Variants in EVC2 observed in about 807,000 individuals in gnomAD.
The protein encoded by EVC2 is EvC ciliary complex subunit 2.
In EVC2, 148 loss-of-function variants were observed where a neutral mutation model predicts 149.3. That is an observed-to-expected ratio of 0.99 (90% CI 0.87 to 1.14). The LOEUF is 1.14. Ranked by LOEUF, EVC2 falls within the 50% of genes most tolerant of loss-of-function variation. The pLI, the probability that EVC2 is intolerant of heterozygous loss-of-function variation, is 0.00. For missense variants in EVC2, 1,854 were observed against 1,627.3 expected (o/e 1.14, Z -2.40); for synonymous variants, 776 against 649.9 (o/e 1.19, Z -2.95).
chr4:5,622,955 C>T lies in EVC2; in HGVS notation c.2083G>A (p.Glu695Lys), dbSNP rs773955048. The T allele has an allele frequency of 1.5e-5, 25 of 1,613,950 alleles. No individual in the cohort carries two copies. The highest frequency in any genetic ancestry group is 8.0e-5 in the African/African-American group (6 of 74,912). The change falls in exon 14 of 22, where the codon GAG becomes AAG. Residue 695 changes from glutamate to lysine, a missense_variant. By Grantham distance (56) the Glu-to-Lys change is moderately conservative. Transcript: ENST00000344408. The surrounding 1 kb of genome is among the most constrained non-coding windows in gnomAD (Gnocchi z 5.8). Reference sequence around the variant, plus strand: ...GCATCCTCAACCGTTCGGAAGGCCTCGCCGACGGACGCCTGCTCCCTACGC... The same window carrying T: ...GCATCCTCAACCGTTCGGAAGGCCTTGCCGACGGACGCCTGCTCCCTACGC... ...EQRREQASVGEAFRTVEDAGQ... is the reference protein window; with the variant it reads ...EQRREQASVGKAFRTVEDAGQ...
At chr4:5,652,610 G>A (rs1220057289) in intron 9 of EVC2, among the ~76,000 whole-genome samples, 6 of 152,130 alleles carry the variant, frequency 3.9e-5, no homozygotes, top group African/African-American at 1.4e-4. Context: ...AGCCGGCAAG[G>A]GCTTGGAGCT....
At chr4:5,701,064 G>T (rs780991569) in intron 1 of EVC2, among the ~76,000 whole-genome samples, 7 of 152,196 alleles carry the variant, frequency 4.6e-5, no homozygotes, top group African/African-American at 1.7e-4. Flanking sequence ...GGCTCCAGGG[G>T]AAAACCCATT....
chr4:5,643,402 G>A (rs1299729743), intron 9 of EVC2, among the ~76,000 whole-genome samples: 4 of 151,974 alleles, frequency 2.6e-5, no homozygotes, highest in African/African-American at 4.8e-5. Context: ...TTTTCACAAC[G>A]TGCTGTTCTT....
intron 1 of EVC2, among the ~76,000 whole-genome samples, chr4:5,703,978 T>A (rs954848636): frequency 1.3e-5 from 2 of 152,050 alleles, no homozygotes; most frequent in Non-Finnish European, 2.9e-5. Flanking sequence ...GCAAGGGCCC[T>A]GAGGTGGGAA....
intron 12 of EVC2, among the ~76,000 whole-genome samples, chr4:5,627,532 C>G (rs924041529): frequency 1.3e-5 from 2 of 152,122 alleles, no homozygotes; most frequent in African/African-American, 2.4e-5. Flanking sequence ...TACCTAGTAG[C>G]GGAACCACAG....
chr4:5,645,727 G>T (rs958642835), intron 9 of EVC2, among the ~76,000 whole-genome samples: 71 of 152,280 alleles, frequency 4.7e-4, no homozygotes, highest in African/African-American at 1.7e-3. Context: ...AAATATACAT[G>T]TGTATGTGTC....
intron 10 of EVC2, 74 bp from the exon 11 acceptor site, chr4:5,632,106 T>C: frequency 1.3e-6 from 2 of 1,584,264 alleles, no homozygotes; most frequent in South Asian, 1.1e-5. Context: ...CAATGCAATG[T>C]GTACAGGCAC....
chr4:5,623,338 ATTTTT>A (rs934150878), intron 13 of EVC2, among the ~76,000 whole-genome samples: 1 of 145,544 alleles, frequency 6.9e-6, no homozygotes, highest in Non-Finnish European at 1.5e-5. Context: ...TTATTTATTT[ATTTTT>A]TTTATTTTTT....
chr4:5,706,714 G>A (rs1722224684), intron 1 of EVC2, among the ~76,000 whole-genome samples: 1 of 152,094 alleles, frequency 6.6e-6, no homozygotes, highest in Non-Finnish European at 1.5e-5. Context: ...TGTACAGTGT[G>A]CAGAAGGGCT....
At chr4:5,616,972 G>A (rs978603517) in intron 15 of EVC2, among the ~76,000 whole-genome samples, 5 of 152,072 alleles carry the variant, frequency 3.3e-5, no homozygotes, top group South Asian at 2.1e-4. Flanking sequence ...CCCTCGCTTC[G>A]GTGAAGTGAA....
intron 11 of EVC2, among the ~76,000 whole-genome samples, chr4:5,631,277 G>A (rs1400812891): frequency 6.6e-6 from 1 of 152,144 alleles, no homozygotes; most frequent in Non-Finnish European, 1.5e-5. Flanking sequence ...ACCCAGGCTG[G>A]AGCGCAGTGG....
chr4:5,576,254 C>T lies in EVC2; in HGVS notation c.3258G>A (p.Glu1086=), dbSNP rs1235779972. ...ACACGGCATACCACTGCTGATGTTG[C>T]TCCAGTAATGTCTGGCTCTTGCTCA... ...QALSKSQTLL[E]QHQQCLREEQ... Residue 1086 remains glutamate, a synonymous_variant, in exon 18 of 22, where the codon GAG becomes GAA. Coordinates refer to ENST00000344408, the MANE Select transcript of EVC2 (RefSeq NM_147127.5). This position sits in a 1 kb window ranked among gnomAD's most constrained non-coding sequence, Gnocchi z 4.5. 1.2e-6 allele frequency: 2 copies of T among 1,614,178 alleles called. No homozygotes were observed. The highest frequency in any genetic ancestry group is 1.7e-5 in the Admixed American group (1 of 60,018).
In EVC2 at chr4:5,633,734, A is replaced by G. The variant is rs2108853948; in HGVS notation, c.1471-1702T>C. On this transcript the variant is annotated intron_variant, in intron 10 of 21. Transcript: ENST00000344408. This position sits in a 1 kb window ranked among gnomAD's most constrained non-coding sequence, Gnocchi z 4.4. Reference sequence around the variant, plus strand: ...AGGAAGGCAGAAGGGGCTCCGGTGCACAGGGCAAAGGCCAGAGCTCCTTCA... The same window carrying G: ...AGGAAGGCAGAAGGGGCTCCGGTGCGCAGGGCAAAGGCCAGAGCTCCTTCA... Among the ~76,000 whole-genome samples, 1 of 152,368 alleles carries G rather than the reference A, an allele frequency of 6.6e-6. No homozygotes were observed. The highest frequency in any genetic ancestry group is 1.9e-4 in the East Asian group (1 of 5,176).
chr4:5,611,791 G>A (rs1468510417), intron 16 of EVC2, among the ~76,000 whole-genome samples: 1 of 152,152 alleles, frequency 6.6e-6, no homozygotes, highest in Non-Finnish European at 1.5e-5. Context: ...TTAAGTTACA[G>A]AAACTTTAAA....
intron 3 of EVC2, among the ~76,000 whole-genome samples, chr4:5,692,556 C>A (rs563010213): frequency 2.3e-4 from 35 of 152,326 alleles, no homozygotes; most frequent in African/African-American, 7.2e-4. Flanking sequence ...CACAGTGTAA[C>A]CCTCTCATTG....
chr4:5,623,045 C>T (rs1031533814), intron 13 of EVC2, 54 bp from the exon 14 acceptor site: 9 of 1,553,488 alleles, frequency 5.8e-6, no homozygotes, highest in African/African-American at 5.5e-5. Context: ...GGGTACAGTC[C>T]TTTGGCTGAA....
intron 7 of EVC2, among the ~76,000 whole-genome samples, chr4:5,680,895 G>A (rs540024831): frequency 4.0e-5 from 6 of 148,216 alleles, no homozygotes; most frequent in Non-Finnish European, 7.5e-5. Flanking sequence ...AGAGAGACCC[G>A]CCCCACAGAC....
chr4:5,581,404 G>A (rs1711770085), intron 17 of EVC2, among the ~76,000 whole-genome samples: 1 of 152,212 alleles, frequency 6.6e-6, no homozygotes, highest in African/African-American at 2.4e-5. Flanking sequence ...CTAGGCTGAG[G>A]AGGTCTCAGA....
intron 4 of EVC2, among the ~76,000 whole-genome samples, chr4:5,690,465 A>G (rs905548593): frequency 1.3e-5 from 2 of 151,234 alleles, no homozygotes; most frequent in South Asian, 4.2e-4. Flanking sequence ...GCTGATGCCA[A>G]TGAGTTGTGA....
Sources: gnomAD v4.1 joint callset for allele counts (sites outside exome capture counted in the v4.1 genomes callset) on GRCh38, gnomAD v4.1.1 for gene constraint, Gnocchi (gnomAD v3.1) non-coding constraint, MANE v1.5 for transcripts, NCBI Gene and HGNC (gene_info 2026-07-23, HGNC 2026-07-21) for gene names.